The following FHIP2A variants were observed in gnomAD, a reference collection of about 807,000 sequenced individuals.
FHIP2A encodes FHF complex subunit HOOK interacting protein 2A, also known as family with sequence similarity 160 member B1.
Under a neutral mutation model 93.5 loss-of-function variants are expected in FHIP2A, and 46 were observed. The ratio of observed to expected loss-of-function variants is 0.49; its 90% CI spans 0.39 to 0.63. FHIP2A has a LOEUF of 0.63. Among genes scored for constraint, FHIP2A ranks in the 20% least tolerant of loss-of-function variants. The probability of loss-of-function intolerance (pLI) is 0.00; values close to 1 mark genes in which losing one functional copy is unlikely to be tolerated. For missense variants in FHIP2A, 769 were observed against 909.7 expected (o/e 0.85, Z 1.99); for synonymous variants, 332 against 326.5 (o/e 1.02, Z -0.18).
chr10:114,838,979 C>T (rs2083652300), intron 5 of FHIP2A, among the ~76,000 whole-genome samples: 2 of 152,178 alleles, frequency 1.3e-5, no homozygotes, highest in African/African-American at 2.4e-5. Flanking sequence ...ATTTTATTTT[C>T]TCCTGCTAGT....
At chr10:114,846,145 G>T in intron 9 of FHIP2A, 30 bp from the exon 10 acceptor site, 4 of 1,612,448 alleles carry the variant, frequency 2.5e-6, no homozygotes, top group Non-Finnish European at 3.4e-6. Context: ...TGTTATTTTT[G>T]CCCACTGACT....
chr10:114,897,982 G>C (rs1186201261), intron 16 of FHIP2A, among the ~76,000 whole-genome samples: 4 of 152,170 alleles, frequency 2.6e-5, no homozygotes, highest in African/African-American at 9.7e-5. Flanking sequence ...TCCTTATTTT[G>C]AGGAAATGGT....
intron 10 of FHIP2A, 94 bp downstream of exon 10, chr10:114,846,461 A>G (rs915545998): frequency 4.9e-6 from 7 of 1,440,188 alleles, no homozygotes; most frequent in Non-Finnish European, 3.8e-6. Context: ...AACCTCTTTT[A>G]TTGGCTTTAG....
At chr10:114,835,819 T>C (rs2083633889) in intron 4 of FHIP2A, among the ~76,000 whole-genome samples, 178 bp downstream of exon 4, 1 of 152,212 alleles carries the variant, frequency 6.6e-6, no homozygotes, top group African/African-American at 2.4e-5. Flanking sequence ...TACAGTGTAC[T>C]TACAGTCTTT....
chr10:114,868,769 C>T (rs2083843309), downstream of FHIP2A, among the ~76,000 whole-genome samples: 1 of 152,130 alleles, frequency 6.6e-6, no homozygotes, highest in Non-Finnish European at 1.5e-5. Context: ...TAATGGTACC[C>T]ATGTTGTGAT....
chr10:114,845,348 A>G lies in FHIP2A; in HGVS notation c.1014-19A>G, dbSNP rs1306682348. ...CTTTTGGATAACTTTGGACTTAGCA[A>G]TTCTTCCTTGTCTTACAGCTTGGAC... On this transcript the variant is annotated intron_variant, in intron 7 of 16. Coordinates refer to ENST00000369248, the MANE Select transcript of FHIP2A (RefSeq NM_020940.4). 11 of 1,491,060 alleles carry G rather than the reference A, an allele frequency of 7.4e-6. No homozygotes were observed. The highest frequency in any genetic ancestry group is 6.8e-5 in the Admixed American group (4 of 58,556). 92.4% of individuals were successfully genotyped at this position (1,491,060 alleles called of 1,614,324 possible).
rs1418951291 is a variant in FHIP2A at position 114,849,151 on chromosome 10, AAAAG to A, written c.1803+416_1803+419del. Among the ~76,000 whole-genome samples the A allele has an allele frequency of 3.0e-3, 457 of 150,592 alleles. 1 individual carries two copies. The highest frequency in any genetic ancestry group is 0.011 in the African/African-American group (437 of 40,750). ...TCAAAAAAAAAAAAAAAAAAAAAAA[AAAAG>A]ACCTGGTCTCTGCTATAACTACTTT... is the stretch of plus-strand genomic sequence containing the variant. On this transcript the variant is annotated intron_variant, in intron 13 of 16. Transcript: ENST00000369248.
intron 14 of FHIP2A, among the ~76,000 whole-genome samples, chr10:114,856,466 G>A (rs10885615): frequency 0.13 from 19,665 of 152,078 alleles, 1,431 homozygotes; most frequent in East Asian, 0.21. Flanking sequence ...GTTTATTGTG[G>A]TTTGTTTTTT....
chr10:114,871,981 G>GT (rs1294585009), intron 16 of FHIP2A, among the ~76,000 whole-genome samples: 1 of 152,222 alleles, frequency 6.6e-6, no homozygotes, highest in East Asian at 1.9e-4. Context: ...AGCTAACACA[G>GT]TAAGTCCAGA....
chr10:114,862,820 T>TC lies in FHIP2A; in HGVS notation c.*1282dup. 1 of 985,476 alleles carries TC rather than the reference T, an allele frequency of 1.0e-6. No homozygotes were observed. The highest frequency in any genetic ancestry group is 1.2e-6 in the Non-Finnish European group (1 of 829,934). 61.0% of individuals were successfully genotyped at this position (985,476 alleles called of 1,614,324 possible). ...GCCGCAGCACTTTCTTCTTCATCTT[T>TC]CCATTTACTGATATTTGGGGGAACA... On this transcript the variant is annotated 3_prime_UTR_variant, in exon 17 of 17. Transcript: ENST00000369248.
At chr10:114,856,067 A>G (rs182090176) in intron 14 of FHIP2A, among the ~76,000 whole-genome samples, 3 of 152,284 alleles carry the variant, frequency 2.0e-5, no homozygotes, top group African/African-American at 7.2e-5. Context: ...GAGTGGACCA[A>G]TTTGGAATTA....
At chr10:114,840,350 C>T (rs1043777699) in intron 5 of FHIP2A, among the ~76,000 whole-genome samples, 4 of 152,162 alleles carry the variant, frequency 2.6e-5, no homozygotes, top group South Asian at 2.1e-4. Flanking sequence ...TGGCAAGAAG[C>T]ACCTGAACAG....
At chr10:114,877,656 A>G (rs1296170425) in intron 16 of FHIP2A, among the ~76,000 whole-genome samples, 1 of 152,144 alleles carries the variant, frequency 6.6e-6, no homozygotes, top group East Asian at 1.9e-4. Flanking sequence ...TCTAATTGAG[A>G]CATTGGTGGC....
intron 3 of FHIP2A, among the ~76,000 whole-genome samples, chr10:114,834,142 C>T (rs1345611235): frequency 6.6e-6 from 1 of 152,130 alleles, no homozygotes; most frequent in Non-Finnish European, 1.5e-5. Context: ...TAGGCTAAAA[C>T]AAAAGAAACC....
chr10:114,893,273 C>T (rs1032957886), intron 16 of FHIP2A, among the ~76,000 whole-genome samples: 2 of 152,090 alleles, frequency 1.3e-5, no homozygotes, highest in Non-Finnish European at 2.9e-5. Context: ...TTTTTAAAAT[C>T]GCATATTTCT....
Position 114,864,200 on chromosome 10 carries a change from G to A in FHIP2A, c.*2660G>A, listed in dbSNP as rs751624939. ...ACATTGTTACACTTAATTTTACAGG[G>A]CACAAATTATGGAATTACTTCATAA... On this transcript the variant is annotated 3_prime_UTR_variant, in exon 17 of 17. Coordinates refer to ENST00000369248, the MANE Select transcript of FHIP2A (RefSeq NM_020940.4). 1 of 984,506 alleles carries A rather than the reference G, an allele frequency of 1.0e-6. No homozygotes were observed. Among genetic ancestry groups the A allele is most frequent in the East Asian group, 1.1e-4 (1 of 8,812 alleles). 61.0% of individuals were successfully genotyped at this position (984,506 alleles called of 1,614,324 possible).
At chr10:114,855,082 A>G in intron 13 of FHIP2A, 115 bp from the exon 14 acceptor site, 1 of 1,081,938 alleles carries the variant, frequency 9.2e-7, no homozygotes, top group Admixed American at 2.5e-5. Context: ...CACCTGAAGC[A>G]TAGCAGACAT....
chr10:114,828,271 A>T (rs1223399059), intron 1 of FHIP2A, among the ~76,000 whole-genome samples: 1 of 152,146 alleles, frequency 6.6e-6, no homozygotes, highest in African/African-American at 2.4e-5. Flanking sequence ...TTTGACTGTA[A>T]CCTACAACAA....
At position 114,821,854 on chromosome 10, in the gene FHIP2A, C is replaced by T. The variant is rs2083525176; in HGVS notation, c.-225C>T. ...CGGGCCCCGAGTCCTCGCCGAACGCCCTCCTCGCCGCCCGCCGCGTCCCGG... is the reference window on the plus strand; with the variant it reads ...CGGGCCCCGAGTCCTCGCCGAACGCTCTCCTCGCCGCCCGCCGCGTCCCGG... On this transcript the variant is annotated 5_prime_UTR_variant, in exon 1 of 17. Coordinates refer to ENST00000369248, the MANE Select transcript of FHIP2A (RefSeq NM_020940.4). 3.8e-6 allele frequency: 1 copy of T among 263,352 alleles called. No individual in the cohort carries two copies. The highest frequency in any genetic ancestry group is 5.5e-5 in the Admixed American group (1 of 18,222). The allele number at this position is 263,352 out of a possible 1,614,324, so 16.3% of individuals were successfully genotyped here.
Sources: allele counts gnomAD v4.1 joint callset (sites outside exome capture counted in the v4.1 genomes callset), GRCh38; gene constraint gnomAD v4.1.1; transcripts MANE v1.5; gene names NCBI Gene and HGNC (gene_info 2026-07-23, HGNC 2026-07-21).